The following KCNQ1 variants were observed in gnomAD, a reference collection of about 807,000 sequenced individuals.
KCNQ1 encodes the protein potassium voltage-gated channel subfamily Q member 1, also known as potassium voltage-gated channel subfamily KQT member 1.
Under a neutral mutation model 72.4 loss-of-function variants are expected in KCNQ1, and 49 were observed. The ratio of observed to expected loss-of-function variants is 0.68; its 90% CI spans 0.54 to 0.86. The LOEUF is 0.86. Among genes scored for constraint, KCNQ1 ranks in the 40% least tolerant of loss-of-function variants. The probability of loss-of-function intolerance (pLI) is 0.00; values close to 1 mark genes in which losing one functional copy is unlikely to be tolerated. For missense variants in KCNQ1, 790 were observed against 945.1 expected, an observed-to-expected ratio of 0.84 and a Z score of 2.15; for synonymous variants, 450 against 412.6, an observed-to-expected ratio of 1.09 and a Z score of -1.10.
intron 11 of KCNQ1, among the ~76,000 whole-genome samples, chr11:2,731,332 C>G (rs889483550): frequency 6.6e-6 from 1 of 152,238 alleles, no homozygotes; most frequent in African/African-American, 2.4e-5. Context: ...CCCAAATGCC[C>G]TCGTCCCACA....
At chr11:2,709,202 C>T (rs1850962678) in intron 11 of KCNQ1, among the ~76,000 whole-genome samples, 1 of 151,428 alleles carries the variant, frequency 6.6e-6, no homozygotes, top group African/African-American at 2.4e-5. Context: ...GCCTCCATCT[C>T]TCCTGCACGG....
At chr11:2,640,740 A>G (rs1418301979) in intron 10 of KCNQ1, 2 of 398,572 alleles carry the variant, frequency 5.0e-6, no homozygotes, top group Non-Finnish European at 8.8e-6. Flanking sequence ...ATTGTTAAAT[A>G]TAGTCAACCA....
rs2133799473 is a variant in KCNQ1 at position 2,617,672 on chromosome 11, C to A, written c.1393+28818C>A. ...CATTATGACTGCACCAATCTACAGT[C>A]CCACCAACACTGTACAAGAGTTCCC... On this transcript the variant is annotated intron_variant, in intron 10 of 15. Transcript: ENST00000155840. This position sits in a 1 kb window ranked among gnomAD's most constrained non-coding sequence, Gnocchi z 4.6. 1 of 398,474 alleles carries A rather than the reference C, an allele frequency of 2.5e-6. No individual in the cohort carries two copies. The highest frequency in any genetic ancestry group is 3.6e-5 in the East Asian group (1 of 28,052). The allele number at this position is 398,474 out of a possible 1,614,324, so 24.7% of individuals were successfully genotyped here.
intron 2 of KCNQ1, among the ~76,000 whole-genome samples, chr11:2,533,914 T>C (rs984560101): frequency 6.6e-6 from 1 of 152,180 alleles, no homozygotes; most frequent in East Asian, 1.9e-4. Context: ...TGTCCTGCAA[T>C]GCCTGTGGTT....
chr11:2,614,783 T>C, intron 10 of KCNQ1: 1 of 398,520 alleles, frequency 2.5e-6, no homozygotes, highest in East Asian at 3.6e-5. Context: ...CCACATTGTT[T>C]TGATTACTGC....
chr11:2,842,883 C>T (rs1197546752), intron 15 of KCNQ1, among the ~76,000 whole-genome samples: 1 of 152,230 alleles, frequency 6.6e-6, no homozygotes, highest in Non-Finnish European at 1.5e-5. Flanking sequence ...GGGGAAGGTG[C>T]TACAGCTGCC....
intron 15 of KCNQ1, among the ~76,000 whole-genome samples, chr11:2,797,610 T>G (rs1052667885): frequency 6.6e-6 from 1 of 151,972 alleles, no homozygotes; most frequent in African/African-American, 2.4e-5. Context: ...ACCGCCTTCT[T>G]GTATGTCTTG....
chr11:2,778,341 G>A (rs1166513161), intron 15 of KCNQ1, among the ~76,000 whole-genome samples: 1 of 152,252 alleles, frequency 6.6e-6, no homozygotes, highest in African/African-American at 2.4e-5. Flanking sequence ...GCCTCTCGTA[G>A]TCTGCTTTGT....
rs537875214 is a variant in KCNQ1, at chr11:2,556,989, C to T, written c.478-13639C>T. Among the ~76,000 whole-genome samples, 14 of 152,330 alleles carry T rather than the reference C, an allele frequency of 9.2e-5. No individual in the cohort carries two copies. In the East Asian group the frequency reaches 1.9e-3, roughly 21 times the overall value. ...CTCCAACTTCACACCAAATGTAAAT[C>T]GCCTGAATTCCTCTTTGAAAGACAG... On this transcript the variant is annotated intron_variant, in intron 2 of 15. Transcript: ENST00000155840.
rs1161759410 is a variant in KCNQ1, at chr11:2,492,280, A to T, written c.387-35648A>T. Among the ~76,000 whole-genome samples the T allele has an allele frequency of 2.6e-5, 4 of 152,240 alleles. No individual in the cohort carries two copies. Among genetic ancestry groups the T allele is most frequent in the Non-Finnish European group, 5.9e-5 (4 of 68,044 alleles). On this transcript the variant is annotated intron_variant, in intron 1 of 15. Transcript: ENST00000155840. This position sits in a 1 kb window ranked among gnomAD's most constrained non-coding sequence, Gnocchi z 4.1. ...ATGACTACAACAACTTTTGCGGTAC[A>T]ATAGGCAGTACAATAAGATATAGAG...
chr11:2,576,008 CT>C (rs1400282431), intron 6 of KCNQ1, among the ~76,000 whole-genome samples: 1 of 152,268 alleles, frequency 6.6e-6, no homozygotes, highest in Non-Finnish European at 1.5e-5. Context: ...CCTCTTTCCT[CT>C]GTGTCAGGCC....
At position 2,502,832 on chromosome 11, in the gene KCNQ1, A is replaced by G. The variant is rs548732552; in HGVS notation, c.387-25096A>G. The stretch of plus-strand genomic sequence containing the variant: ...AAACAGTATGTACTGACATAAAAAC[A>G]GACACGTAGACCAATGGAACAGAAT... On this transcript the variant is annotated intron_variant, in intron 1 of 15. Transcript: ENST00000155840. 5.3e-5 allele frequency among the ~76,000 whole-genome samples: 8 copies of G among 152,342 alleles called. No homozygotes were observed. In the South Asian group the frequency reaches 1.7e-3, roughly 32 times the overall value.
rs2283179 is a variant in KCNQ1 at position 2,592,611 on chromosome 11, C to A, written c.1393+3757C>A. On this transcript the variant is annotated intron_variant, in intron 10 of 15. Coordinates refer to ENST00000155840, the MANE Select transcript of KCNQ1 (RefSeq NM_000218.3). This position sits in a 1 kb window ranked among gnomAD's most constrained non-coding sequence, Gnocchi z 5.2. ...TCTTTGCAGTGAAGCGTCACAGACT[C>A]CTCATGAAGGATGCATGGGGACCCA... is the stretch of plus-strand genomic sequence containing the variant. Among the ~76,000 whole-genome samples, 1 of 152,082 alleles carries A rather than the reference C, an allele frequency of 6.6e-6. No homozygotes were observed. The highest frequency in any genetic ancestry group is 2.4e-5 in the African/African-American group (1 of 41,400).
In KCNQ1 at chr11:2,793,771, G is replaced by T. The variant is rs1015377296; in HGVS notation, c.1794+15734G>T. Among the ~76,000 whole-genome samples the T allele has an allele frequency of 2.0e-5, 3 of 152,358 alleles. No individual in the cohort carries two copies. The East Asian group carries it at 5.8e-4, about 29-fold the overall frequency. On this transcript the variant is annotated intron_variant, in intron 15 of 15. Transcript: ENST00000155840. Reference sequence around the variant, plus strand: ...ATTTATTCATTCACCTTGTGCCACTGCCTGGGGCTGCAGTGTGAGTAGGGT... The same window carrying T: ...ATTTATTCATTCACCTTGTGCCACTTCCTGGGGCTGCAGTGTGAGTAGGGT...
In KCNQ1 at chr11:2,684,690, G is replaced by A. The variant is rs75635607; in HGVS notation, c.1514+22609G>A. On this transcript the variant is annotated intron_variant, in intron 11 of 15. Transcript: ENST00000155840. ...ATGTGCAGGGAGCTAGTGGCCAACTGAGCACTTGCTCAGGCGGAGGGGCCT... is the reference window on the plus strand; with the variant it reads ...ATGTGCAGGGAGCTAGTGGCCAACTAAGCACTTGCTCAGGCGGAGGGGCCT... The A allele has an allele frequency of 4.9e-4, 196 of 398,618 alleles. 1 individual carries two copies. Among genetic ancestry groups the A allele is most frequent in the African/African-American group, 3.8e-3 (186 of 48,746 alleles). 24.7% of individuals were successfully genotyped at this position (398,618 alleles called of 1,614,324 possible).
At chr11:2,591,393 G>A (rs773631066) in intron 10 of KCNQ1, among the ~76,000 whole-genome samples, 2 of 152,208 alleles carry the variant, frequency 1.3e-5, no homozygotes, top group Non-Finnish European at 2.9e-5. Flanking sequence ...GCTGGGACCC[G>A]ACCACATCTC....
chr11:2,595,512 C>T lies in KCNQ1; in HGVS notation c.1393+6658C>T, dbSNP rs572828152. Reference sequence around the variant, plus strand: ...AGGGCCCTTAAGAATTATGCTAAATCTACTCTGCTTATGCTCTATAATGAA... The same window carrying T: ...AGGGCCCTTAAGAATTATGCTAAATTTACTCTGCTTATGCTCTATAATGAA... On this transcript the variant is annotated intron_variant, in intron 10 of 15. Transcript: ENST00000155840. The surrounding 1 kb of genome is among the most constrained non-coding windows in gnomAD (Gnocchi z 5.0). Among the ~76,000 whole-genome samples the T allele has an allele frequency of 6.6e-6, 1 of 152,306 alleles. No individual in the cohort carries two copies. Among genetic ancestry groups the T allele is most frequent in the East Asian group, 1.9e-4 (1 of 5,180 alleles).
rs1244520111 is a variant in KCNQ1 at position 2,769,730 on chromosome 11, G to A, written c.1590+811G>A. 6.6e-6 allele frequency among the ~76,000 whole-genome samples: 1 copy of A among 152,190 alleles called. No homozygotes were observed. Among genetic ancestry groups the A allele is most frequent in the Non-Finnish European group, 1.5e-5 (1 of 68,030 alleles). Reference sequence around the variant, plus strand: ...AAATCACAAAGCAGGGAAGGCTGGGGGGTGACTTGCCTGAGTCCCTTGGAG... The same window carrying A: ...AAATCACAAAGCAGGGAAGGCTGGGAGGTGACTTGCCTGAGTCCCTTGGAG... On this transcript the variant is annotated intron_variant, in intron 12 of 15. Transcript: ENST00000155840. The surrounding 1 kb of genome is among the most constrained non-coding windows in gnomAD (Gnocchi z 4.6).
At chr11:2,840,348 G>C (rs10741726) in intron 15 of KCNQ1, 1 of 152,030 alleles carries the variant, frequency 6.6e-6, no homozygotes, top group African/African-American at 2.4e-5. Flanking sequence ...CTCAAACTTG[G>C]GTTGTTCAGG....
Sources: gnomAD v4.1 joint callset for allele counts (sites outside exome capture counted in the v4.1 genomes callset) on GRCh38, gnomAD v4.1.1 for gene constraint, Gnocchi (gnomAD v3.1) non-coding constraint, MANE v1.5 for transcripts, NCBI Gene and HGNC (gene_info 2026-07-23, HGNC 2026-07-21) for gene names.